Variants in TIGD1 observed in about 807,000 individuals in gnomAD.
The protein encoded by TIGD1 is tigger transposable element derived 1.
TIGD1 carries 20 observed loss-of-function variants against 21.3 expected under a neutral mutation model. The observed-to-expected ratio is 0.94, with a 90% CI of 0.66 to 1.36. TIGD1 has a LOEUF of 1.36. TIGD1 is among the 40% of genes most tolerant of loss of function. The pLI is 0.00. For missense variants in TIGD1, 556 were observed against 350.5 expected, an observed-to-expected ratio of 1.59 and a Z score of -4.68; for synonymous variants, 177 against 123.2, an observed-to-expected ratio of 1.44 and a Z score of -2.89.
Position 232,549,951 on chromosome 2 carries a change from G to A in TIGD1, c.-69C>T, listed in dbSNP as rs1288953484. 2.4e-6 allele frequency: 2 copies of A among 834,420 alleles called. No individual in the cohort carries two copies. The highest frequency in any genetic ancestry group is 1.7e-5 in the African/African-American group (1 of 58,034). The allele number at this position is 834,420 out of a possible 1,614,324, so 51.7% of individuals were successfully genotyped here. On this transcript the variant is annotated 5_prime_UTR_variant, in exon 1 of 1. Coordinates refer to ENST00000408957, the MANE Select transcript of TIGD1 (RefSeq NM_145702.4). ...AGGGAATAGGGAGGCCCAAGAAGAG[G>A]GAGAGAGATGGGGAACGGTCTGTGG... is the stretch of plus-strand genomic sequence containing the variant.
Position 232,549,210 on chromosome 2 carries a change from C to T in TIGD1, c.673G>A (p.Ala225Thr), listed in dbSNP as rs1431235559. The change falls in exon 1 of 1, where the codon GCT becomes ACT. Residue 225 changes from alanine to threonine, a missense_variant. Ala to Thr is a moderately conservative substitution (Grantham distance 58). Coordinates refer to ENST00000408957, the MANE Select transcript of TIGD1 (RefSeq NM_145702.4). ...SKDRLTLLLGANAAGDFKLKP... is the reference protein window; with the variant it reads ...SKDRLTLLLGTNAAGDFKLKP... ...AACTTAAAGTCACCAGCTGCATTAGCCCCTAACAAGAGAGTCAGCCTGTCC... is the reference window on the plus strand; with the variant it reads ...AACTTAAAGTCACCAGCTGCATTAGTCCCTAACAAGAGAGTCAGCCTGTCC... 5.8e-6 allele frequency: 4 copies of T among 691,320 alleles called. No homozygotes were observed. Among genetic ancestry groups the T allele is most frequent in the South Asian group, 3.2e-5 (2 of 62,986 alleles). 42.8% of individuals were successfully genotyped at this position (691,320 alleles called of 1,614,324 possible). A position where few individuals can be genotyped will look rare whatever the true frequency, so the allele number is the denominator to read the frequency against.
At position 232,544,613 on chromosome 2, in the gene TIGD1, C is replaced by A; in HGVS notation, c.*3494G>T. ...ACACCAGGTGTGCCTGGGGACAGTC[C>A]TCCCCTGGGACCCCAGCTGGGGAGC... On this transcript the variant is annotated 3_prime_UTR_variant, in exon 1 of 1. Transcript: ENST00000408957. 1.3e-6 allele frequency: 2 copies of A among 1,589,994 alleles called. No homozygotes were observed. The highest frequency in any genetic ancestry group is 1.7e-6 in the Non-Finnish European group (2 of 1,159,610).
chr2:232,544,479 T>C lies in TIGD1; in HGVS notation c.*3628A>G, dbSNP rs144961313. The stretch of plus-strand genomic sequence containing the variant: ...CAGAATGGCTCCTCGGGATGGTCGA[T>C]CACAACTGGGGAGGAGGTGGCCCTC... On this transcript the variant is annotated 3_prime_UTR_variant, in exon 1 of 1. Coordinates refer to ENST00000408957, the MANE Select transcript of TIGD1 (RefSeq NM_145702.4). 2.5e-6 allele frequency: 4 copies of C among 1,613,764 alleles called. No individual in the cohort carries two copies. Among genetic ancestry groups the C allele is most frequent in the Non-Finnish European group, 3.4e-6 (4 of 1,180,000 alleles).
At position 232,544,357 on chromosome 2, in the gene TIGD1, C is replaced by T. The variant is rs1267559997; in HGVS notation, c.*3750G>A. 2 of 1,607,146 alleles carry T rather than the reference C, an allele frequency of 1.2e-6. No homozygotes were observed. Among genetic ancestry groups the T allele is most frequent in the South Asian group, 2.2e-5 (2 of 90,946 alleles). On this transcript the variant is annotated 3_prime_UTR_variant, in exon 1 of 1. Transcript: ENST00000408957. ...GGCCTGCTGCCCTAGTGAAGCCACCCCCTCTCTAGGTGTTCCTGAGGCTCT... is the reference window on the plus strand; with the variant it reads ...GGCCTGCTGCCCTAGTGAAGCCACCTCCTCTCTAGGTGTTCCTGAGGCTCT...
rs969388898 is a variant in TIGD1, at chr2:232,549,714, A to C, written c.169T>G (p.Phe57Val). 1.1e-6 allele frequency: 1 copy of C among 908,998 alleles called. No individual in the cohort carries two copies. Among genetic ancestry groups the C allele is most frequent in the Middle Eastern group, 2.4e-4 (1 of 4,114 alleles). 56.3% of individuals were successfully genotyped at this position (908,998 alleles called of 1,614,324 possible). ...VSQVVNAKEK[F>V]LKEVKSATPM... ...GTAGCACTTTTAACTTCCTTCAAGA[A>C]CTTTTCCTTTGCATTTACAACTTGG... is the stretch of plus-strand genomic sequence containing the variant. The change falls in exon 1 of 1, where the codon TTC (phenylalanine) becomes GTC (valine). Residue 57 changes from phenylalanine (F) to valine (V), a missense_variant. Phe to Val is a conservative substitution (Grantham distance 50). Coordinates refer to ENST00000408957, the MANE Select transcript of TIGD1 (RefSeq NM_145702.4).
rs1692122618 is a variant in TIGD1 at position 232,545,815 on chromosome 2, G to C, written c.*2292C>G. 1.0e-5 allele frequency: 14 copies of C among 1,361,294 alleles called. No homozygotes were observed. Among genetic ancestry groups the C allele is most frequent in the Non-Finnish European group, 1.5e-5 (14 of 959,798 alleles). The allele number at this position is 1,361,294 out of a possible 1,614,324, so 84.3% of individuals were successfully genotyped here. A position where few individuals can be genotyped will look rare whatever the true frequency, so the allele number is the denominator to read the frequency against. On this transcript the variant is annotated 3_prime_UTR_variant, in exon 1 of 1. Coordinates refer to ENST00000408957, the MANE Select transcript of TIGD1 (RefSeq NM_145702.4). ...TACTGAGGTCCTAAGTGTGCTCTTT[G>C]GGAAGTGCCCTTCAGGACTGTGTGA...
Position 232,549,033 on chromosome 2 carries a change from C to A in TIGD1, c.850G>T (p.Val284Phe). ...AWFTEYFKPT[V>F]ETYCSEKKIP... ...TTCTTTTCTGAGCAGTAGGTCTCAA[C>A]AGTGGGTTTAAAATATTCAGTAAAC... The change falls in exon 1 of 1, where the codon GTT becomes TTT. Residue 284 changes from valine (V) to phenylalanine (F), a missense_variant. Coordinates refer to ENST00000408957, the MANE Select transcript of TIGD1 (RefSeq NM_145702.4). The A allele has an allele frequency of 7.1e-6, 5 of 708,496 alleles. No individual in the cohort carries two copies. In the South Asian group the frequency reaches 7.7e-5, roughly 11 times the overall value. 43.9% of individuals were successfully genotyped at this position (708,496 alleles called of 1,614,324 possible).
Position 232,544,428 on chromosome 2 carries a change from C to A in TIGD1, c.*3679G>T, listed in dbSNP as rs1183456677. On this transcript the variant is annotated 3_prime_UTR_variant, in exon 1 of 1. Transcript: ENST00000408957. Reference sequence around the variant, plus strand: ...CACGTTCGCCCGCTGGCCCCGGCAGCTGTGCAGGACACCCAGTCCCGGCTA... The same window carrying A: ...CACGTTCGCCCGCTGGCCCCGGCAGATGTGCAGGACACCCAGTCCCGGCTA... 1.9e-6 allele frequency: 3 copies of A among 1,613,528 alleles called. No homozygotes were observed. In the Admixed American group the frequency reaches 5.0e-5, roughly 27 times the overall value.
chr2:232,548,218 T>A lies in TIGD1; in HGVS notation c.1665A>T (p.Pro555=), dbSNP rs1692165918. The change falls in exon 1 of 1, where the codon CCA becomes CCT. Residue 555 remains proline (P), a synonymous_variant. Transcript: ENST00000408957. ...ASPMSYFRKL[P]QPPQPSAATT... is the part of the protein sequence containing the mutation. ...TGGCTGCTGAAGGTTGGGGTGGCTG[T>A]GGCAATTTCCTAAAATAAGACATCG... is the stretch of plus-strand genomic sequence containing the variant. The A allele has an allele frequency of 1.9e-6, 3 of 1,541,818 alleles. No homozygotes were observed. Among genetic ancestry groups the A allele is most frequent in the Non-Finnish European group, 1.7e-6 (2 of 1,146,280 alleles).
rs1692258543 is a variant in TIGD1, at chr2:232,550,446, G to A, written c.-564C>T. The A allele has an allele frequency of 4.0e-6, 2 of 494,892 alleles. No individual in the cohort carries two copies. Among genetic ancestry groups the A allele is most frequent in the South Asian group, 7.1e-5 (2 of 28,194 alleles). 30.7% of individuals were successfully genotyped at this position (494,892 alleles called of 1,614,324 possible). A position where few individuals can be genotyped will look rare whatever the true frequency, so the allele number is the denominator to read the frequency against. On this transcript the variant is annotated 5_prime_UTR_variant, in exon 1 of 1. Transcript: ENST00000408957. ...GGTGCTGCCTTTTTTCCGAGCCGCT[G>A]CGGGAGGGGGCCAGGACACGCTCCC... is the stretch of plus-strand genomic sequence containing the variant.
rs1238310817 is a variant in TIGD1, at chr2:232,549,488, C to A, written c.395G>T (p.Ser132Ile). 2 of 680,134 alleles carry A rather than the reference C, an allele frequency of 2.9e-6. No individual in the cohort carries two copies. The highest frequency in any genetic ancestry group is 5.3e-6 in the Non-Finnish European group (2 of 378,334). 42.1% of individuals were successfully genotyped at this position (680,134 alleles called of 1,614,324 possible). Residue 132 changes from serine (S) to isoleucine (I), a missense_variant, in exon 1 of 1, where the codon AGC becomes ATC. By Grantham distance (142) the Ser-to-Ile change is moderately radical. Coordinates refer to ENST00000408957, the MANE Select transcript of TIGD1 (RefSeq NM_145702.4). ...CTTAAACCTCATGAACCAACCTCTG[C>A]TAGCTTCAAACTTTTCTTCTGCAGC... ...VEAAEEKFEA[S>I]RGWFMRFKER...
Position 232,548,702 on chromosome 2 carries a change from A to T in TIGD1, c.1181T>A (p.Val394Asp), listed in dbSNP as rs1692185388. 2.1e-6 allele frequency: 1 copy of T among 486,056 alleles called. No individual in the cohort carries two copies. Among genetic ancestry groups the T allele is most frequent in the Non-Finnish European group, 3.9e-6 (1 of 254,266 alleles). 30.1% of individuals were successfully genotyped at this position (486,056 alleles called of 1,614,324 possible). A position where few individuals can be genotyped will look rare whatever the true frequency, so the allele number is the denominator to read the frequency against. Residue 394 changes from valine to aspartate, a missense_variant, in exon 1 of 1, where the codon GTC becomes GAC. Physicochemically the swap from Val to Asp is radical, Grantham distance 152. Coordinates refer to ENST00000408957, the MANE Select transcript of TIGD1 (RefSeq NM_145702.4). ...IKNIRDSWEE[V>D]KLSTLTGVWK... ...AACTCCTGTTAATGTTGACAATTTG[A>T]CCTCCTCCCATGAATCACGAATGTT...
In TIGD1 at chr2:232,548,854, C is replaced by G. The variant is rs1310329799; in HGVS notation, c.1029G>C (p.Lys343Asn). The G allele has an allele frequency of 3.2e-6, 2 of 617,280 alleles. No individual in the cohort carries two copies. Among genetic ancestry groups the G allele is most frequent in the Admixed American group, 4.3e-5 (2 of 46,104 alleles). The allele number at this position is 617,280 out of a possible 1,614,324, so 38.2% of individuals were successfully genotyped here. A position where few individuals can be genotyped will look rare whatever the true frequency, so the allele number is the denominator to read the frequency against. ...GAAATGTATTTCTCAAATAATAAGA[C>G]TTGAAGGTCGAAATTACCCCTTGAT... ...PMDQGVISTF[K>N]SYYLRNTFHK... Residue 343 changes from lysine (K) to asparagine (N), a missense_variant, in exon 1 of 1, where the codon AAG becomes AAC. By Grantham distance (94) the Lys-to-Asn change is moderately conservative. Coordinates refer to ENST00000408957, the MANE Select transcript of TIGD1 (RefSeq NM_145702.4).
rs1017040174 is a variant in TIGD1, at chr2:232,544,173, G to A, written c.*3934C>T. ...GCAGGAATCTGTGTTTATAACAAGTGCCCTGGTGATTCTGATGTGCACTGA... is the reference window on the plus strand; with the variant it reads ...GCAGGAATCTGTGTTTATAACAAGTACCCTGGTGATTCTGATGTGCACTGA... On this transcript the variant is annotated 3_prime_UTR_variant, in exon 1 of 1. Coordinates refer to ENST00000408957, the MANE Select transcript of TIGD1 (RefSeq NM_145702.4). 3.3e-5 allele frequency among the ~76,000 whole-genome samples: 5 copies of A among 152,200 alleles called. No homozygotes were observed. Among genetic ancestry groups the A allele is most frequent in the African/African-American group, 1.2e-4 (5 of 41,444 alleles).
In TIGD1 at chr2:232,544,816, A is replaced by C. The variant is rs2106223154; in HGVS notation, c.*3291T>G. The C allele has an allele frequency of 6.2e-7, 1 of 1,613,396 alleles. No homozygotes were observed. Among genetic ancestry groups the C allele is most frequent in the South Asian group, 1.1e-5 (1 of 91,070 alleles). On this transcript the variant is annotated 3_prime_UTR_variant, in exon 1 of 1. Transcript: ENST00000408957. ...GCTGAGCCAGTTCTGTGGCAGCCTG[A>C]AGCAGGCTGCCCCAGCCATCCAGGC...
chr2:232,545,610 T>G lies in TIGD1; in HGVS notation c.*2497A>C. 1 of 1,614,148 alleles carries G rather than the reference T, an allele frequency of 6.2e-7. No individual in the cohort carries two copies. The highest frequency in any genetic ancestry group is 8.5e-7 in the Non-Finnish European group (1 of 1,180,024). ...GTCTGCTTCCTGGCCATGCTCTCGCTCTTCATCTGTGGCACAGCTGGCATC... is the reference window on the plus strand; with the variant it reads ...GTCTGCTTCCTGGCCATGCTCTCGCGCTTCATCTGTGGCACAGCTGGCATC... On this transcript the variant is annotated 3_prime_UTR_variant, in exon 1 of 1. Transcript: ENST00000408957.
At position 232,548,641 on chromosome 2, in the gene TIGD1, ATAGTCAT is replaced by A; in HGVS notation, c.1235_1241del (p.Asp412ValfsTer11). 2.0e-6 allele frequency: 1 copy of A among 508,172 alleles called. No homozygotes were observed. The highest frequency in any genetic ancestry group is 1.7e-5 in the South Asian group (1 of 58,972). The allele number at this position is 508,172 out of a possible 1,614,324, so 31.5% of individuals were successfully genotyped here. On this transcript the variant is annotated frameshift_variant, in exon 1 of 1. Coordinates refer to ENST00000408957, the MANE Select transcript of TIGD1 (RefSeq NM_145702.4). LOFTEE classifies it high-confidence loss of function. ...CCTCCACTGAAGTCTTGAACCCCTC[ATAGTCAT>A]CAATGAGGGTGGGAATCAACTTCTT...
rs559878427 is a variant in TIGD1, at chr2:232,547,474, G to A, written c.*633C>T. Among the ~76,000 whole-genome samples the A allele has an allele frequency of 1.3e-5, 2 of 152,128 alleles. No homozygotes were observed. The highest frequency in any genetic ancestry group is 2.9e-5 in the Non-Finnish European group (2 of 68,018). On this transcript the variant is annotated 3_prime_UTR_variant, in exon 1 of 1. Transcript: ENST00000408957. ...AGAAAAGTGAAAGTGCCACATAAAGGCCTGACGACAGGATATGCTGGCAGG... is the reference window on the plus strand; with the variant it reads ...AGAAAAGTGAAAGTGCCACATAAAGACCTGACGACAGGATATGCTGGCAGG...
chr2:232,549,944 A>T lies in TIGD1; in HGVS notation c.-62T>A, dbSNP rs1057323520. On this transcript the variant is annotated 5_prime_UTR_variant, in exon 1 of 1. It adds an upstream start codon to the 5' untranslated region. Coordinates refer to ENST00000408957, the MANE Select transcript of TIGD1 (RefSeq NM_145702.4). ...GTGTCTCAGGGAATAGGGAGGCCCA[A>T]GAAGAGGGAGAGAGATGGGGAACGG... 1.1e-5 allele frequency: 10 copies of T among 924,800 alleles called. No homozygotes were observed. The African/African-American group carries it at 1.7e-4, about 15-fold the overall frequency. 57.3% of individuals were successfully genotyped at this position (924,800 alleles called of 1,614,324 possible). A position where few individuals can be genotyped will look rare whatever the true frequency, so the allele number is the denominator to read the frequency against.
Sources: gnomAD v4.1 joint callset for allele counts (sites outside exome capture counted in the v4.1 genomes callset) on GRCh38, gnomAD v4.1.1 for gene constraint, MANE v1.5 for transcripts, NCBI Gene and HGNC (gene_info 2026-07-23, HGNC 2026-07-21) for gene names.